Variants in PCDHA6 observed in about 807,000 individuals in gnomAD.
The protein encoded by PCDHA6 is protocadherin alpha 6, also known as protocadherin alpha-6.
In PCDHA6, 55 loss-of-function variants were observed where a neutral mutation model predicts 60.3. The ratio of observed to expected loss-of-function variants is 0.91; its 90% CI spans 0.73 to 1.14. The LOEUF (loss-of-function observed/expected upper bound fraction) is 1.14. PCDHA6 is among the 50% of genes most tolerant of loss of function. The pLI, the probability that PCDHA6 is intolerant of heterozygous loss-of-function variation, is 0.00. For missense variants in PCDHA6, 1,327 were observed against 1,256.5 expected, an observed-to-expected ratio of 1.06 and a Z score of -0.85; for synonymous variants, 652 against 557.9, an observed-to-expected ratio of 1.17 and a Z score of -2.38.
intron 1 of PCDHA6, chr5:140,871,252 T>A (rs782280300): frequency 2.5e-6 from 4 of 1,613,990 alleles, no homozygotes; most frequent in Non-Finnish European, 1.7e-6. Context: ...GCTGCTGCTG[T>A]ATACGGCGCT....
intron 1 of PCDHA6, chr5:140,882,971 G>A (rs1562782227): frequency 3.1e-6 from 5 of 1,614,206 alleles, no homozygotes; most frequent in Admixed American, 1.7e-5. Flanking sequence ...GATTCTGGAC[G>A]TGAATGACAA....
At chr5:140,955,207 G>A (rs2153705473) in intron 1 of PCDHA6, among the ~76,000 whole-genome samples, 1 of 152,290 alleles carries the variant, frequency 6.6e-6, no homozygotes, top group South Asian at 2.1e-4. Context: ...CAATCAAGTA[G>A]CATGATGCCT....
chr5:140,902,140 G>A (rs1156661388), intron 1 of PCDHA6, among the ~76,000 whole-genome samples: 2 of 151,048 alleles, frequency 1.3e-5, no homozygotes, highest in African/African-American at 4.9e-5. Context: ...CTGCAAACAA[G>A]GATAATTTGA....
intron 1 of PCDHA6, among the ~76,000 whole-genome samples, chr5:140,833,369 A>T (rs2150207984): frequency 2.0e-5 from 3 of 152,192 alleles, no homozygotes; most frequent in Admixed American, 1.3e-4. Context: ...AGTAAGGTAG[A>T]TCCAAAAAGG....
chr5:140,941,639 TC>T (rs2093135030), intron 1 of PCDHA6, among the ~76,000 whole-genome samples: 1 of 152,044 alleles, frequency 6.6e-6, no homozygotes, highest in Non-Finnish European at 1.5e-5. Context: ...ATTTCTGTCT[TC>T]CTACAACTTA....
At chr5:140,962,220 T>A (rs1174731292) in intron 1 of PCDHA6, among the ~76,000 whole-genome samples, 2 of 152,186 alleles carry the variant, frequency 1.3e-5, no homozygotes, top group African/African-American at 4.8e-5. Flanking sequence ...GATCTTGAGG[T>A]TCAAGTTTCA....
intron 1 of PCDHA6, chr5:140,929,483 G>A: frequency 8.4e-7 from 1 of 1,192,950 alleles, no homozygotes; most frequent in Non-Finnish European, 1.1e-6. Context: ...AAGTATAGAA[G>A]TATTAGAAGA....
In PCDHA6 at chr5:140,875,591, A is replaced by G. The variant is rs1438500941; in HGVS notation, c.2394+45106A>G. ...CACTACTCCGTCTACGAGGAGGCCAAACACGGCACCTTCGTGGGCCGCATC... is the reference window on the plus strand; with the variant it reads ...CACTACTCCGTCTACGAGGAGGCCAGACACGGCACCTTCGTGGGCCGCATC... On this transcript the variant is annotated intron_variant, in intron 1 of 3. Coordinates refer to ENST00000529310, the MANE Select transcript of PCDHA6 (RefSeq NM_018909.4). The G allele has an allele frequency of 9.3e-6, 15 of 1,613,878 alleles. No homozygotes were observed. The highest frequency in any genetic ancestry group is 1.7e-5 in the Admixed American group (1 of 60,004).
intron 1 of PCDHA6, chr5:140,836,715 C>G: frequency 6.2e-7 from 1 of 1,612,974 alleles, no homozygotes; most frequent in Non-Finnish European, 8.5e-7. Flanking sequence ...CAGCCTTCCT[C>G]AGGGTCCATC....
rs112338455 is a variant in PCDHA6 at position 140,903,390 on chromosome 5, A to G, written c.2394+72905A>G. ...TATAGGGAGGATTGTGGTTACTTCT[A>G]GAAACAGTAGTGCAGTCAGGAAAAA... On this transcript the variant is annotated intron_variant, in intron 1 of 3. Coordinates refer to ENST00000529310, the MANE Select transcript of PCDHA6 (RefSeq NM_018909.4). Among the ~76,000 whole-genome samples the G allele has an allele frequency of 4.3e-3, 662 of 152,354 alleles. 6 individuals are homozygous for G. Among genetic ancestry groups the G allele is most frequent in the African/African-American group, 0.015 (618 of 41,596 alleles).
chr5:140,983,359 A>G (rs1310994731), intron 3 of PCDHA6, among the ~76,000 whole-genome samples: 1 of 152,254 alleles, frequency 6.6e-6, no homozygotes, highest in African/African-American at 2.4e-5. Flanking sequence ...TAATAGAAAT[A>G]TGGCTTTGGA....
chr5:140,853,921 C>T (rs2042909522), intron 1 of PCDHA6: 2 of 921,152 alleles, frequency 2.2e-6, no homozygotes, highest in African/African-American at 1.8e-5. Flanking sequence ...GCAATCCCAA[C>T]ATTTTGGGAG....
intron 1 of PCDHA6, among the ~76,000 whole-genome samples, chr5:140,939,041 T>G (rs2092303651): frequency 6.6e-6 from 1 of 152,222 alleles, no homozygotes; most frequent in Admixed American, 6.5e-5. Context: ...AAGAGTTGTC[T>G]TAGTCCATTT....
rs373157192 is a variant in PCDHA6 at position 140,869,487 on chromosome 5, C to T, written c.2394+39002C>T. On this transcript the variant is annotated intron_variant, in intron 1 of 3. Transcript: ENST00000529310. ...ACGTGGAGGTGAAGGACATTAACGA[C>T]AACCCGCCGGTGTTCTCGCTCAGAG... The T allele has an allele frequency of 5.2e-5, 84 of 1,614,180 alleles. No homozygotes were observed. The African/African-American group carries it at 8.9e-4, about 17-fold the overall frequency.
rs2150374915 is a variant in PCDHA6 at position 140,844,901 on chromosome 5, G to T, written c.2394+14416G>T. 3.1e-4 allele frequency among the ~76,000 whole-genome samples: 47 copies of T among 149,514 alleles called. 3 individuals are homozygous for T. The highest frequency in any genetic ancestry group is 1.0e-3 in the African/African-American group (41 of 40,888). ...TAGACTTCGTGCATATTGCTTTGGA[G>T]AGAATGGTAGAAATTGATGGAAGGG... On this transcript the variant is annotated intron_variant, in intron 1 of 3. Coordinates refer to ENST00000529310, the MANE Select transcript of PCDHA6 (RefSeq NM_018909.4).
intron 1 of PCDHA6, chr5:140,857,003 G>C: frequency 6.3e-7 from 1 of 1,595,436 alleles, no homozygotes; most frequent in Non-Finnish European, 8.6e-7. Context: ...TGAAATTCAT[G>C]TAGATGTTAC....
intron 3 of PCDHA6, among the ~76,000 whole-genome samples, chr5:141,000,278 G>A (rs574420053): frequency 6.6e-6 from 1 of 151,194 alleles, no homozygotes; most frequent in South Asian, 2.1e-4. Flanking sequence ...GGGAGGCAGA[G>A]GTGGGAATAT....
intron 1 of PCDHA6, chr5:140,836,539 C>G (rs2150263250): frequency 6.2e-7 from 1 of 1,613,680 alleles, no homozygotes; most frequent in East Asian, 2.2e-5. Flanking sequence ...CTGCTGTACA[C>G]GGCGTTGCGG....
chr5:140,869,698 T>C (rs782072995), intron 1 of PCDHA6: 4 of 1,613,236 alleles, frequency 2.5e-6, no homozygotes, highest in Middle Eastern at 1.6e-4. Context: ...TTTAAAGAAG[T>C]CTCTGGATAG....
Sources: allele counts gnomAD v4.1 joint callset (sites outside exome capture counted in the v4.1 genomes callset), GRCh38; gene constraint gnomAD v4.1.1; transcripts MANE v1.5; gene names NCBI Gene and HGNC (gene_info 2026-07-23, HGNC 2026-07-21).